The following PXDC1 variants were observed in gnomAD, a reference collection of about 807,000 sequenced individuals.
PXDC1 encodes PX domain-containing protein 1.
PXDC1 carries 13 observed loss-of-function variants against 24.4 expected under a neutral mutation model. That is an observed-to-expected ratio of 0.53 (90% CI 0.35 to 0.85). The LOEUF (loss-of-function observed/expected upper bound fraction) is 0.85. Ranked by LOEUF, PXDC1 falls within the 40% of genes least tolerant of loss-of-function variation. The pLI is 0.01. For synonymous variants in PXDC1, 162 were observed against 124.9 expected, an observed-to-expected ratio of 1.30 and a Z score of -1.98; for missense variants, 344 against 309.3, an observed-to-expected ratio of 1.11 and a Z score of -0.84.
intron 1 of PXDC1, among the ~76,000 whole-genome samples, chr6:3,745,520 C>A (rs1760550604): frequency 6.6e-6 from 1 of 152,234 alleles, no homozygotes; most frequent in Admixed American, 6.5e-5. Flanking sequence ...GCAAAGCCAG[C>A]ATCCAATCCC....
At position 3,737,029 on chromosome 6, in the gene PXDC1, T is replaced by G; in HGVS notation, c.466+50A>C. 1 of 1,098,224 alleles carries G rather than the reference T, an allele frequency of 9.1e-7. No homozygotes were observed. Among genetic ancestry groups the G allele is most frequent in the African/African-American group, 1.5e-5 (1 of 65,078 alleles). The allele number at this position is 1,098,224 out of a possible 1,614,324, so 68.0% of individuals were successfully genotyped here. A position where few individuals can be genotyped will look rare whatever the true frequency, so the allele number is the denominator to read the frequency against. The stretch of plus-strand genomic sequence containing the variant: ...CAACTGTGAGGGTTTCTGTGACATC[T>G]CAGCCTCAACAGCAGTCCCTCCCAC... On this transcript the variant is annotated intron_variant, in intron 3 of 4. Coordinates refer to ENST00000380283, the MANE Select transcript of PXDC1 (RefSeq NM_183373.4). The surrounding 1 kb of genome is among the most constrained non-coding windows in gnomAD (Gnocchi z 5.5).
rs758217635 is a variant in PXDC1 at position 3,727,624 on chromosome 6, C to T, written c.505G>A (p.Glu169Lys). 6.2e-6 allele frequency: 10 copies of T among 1,613,874 alleles called. No individual in the cohort carries two copies. Among genetic ancestry groups the T allele is most frequent in the South Asian group, 2.2e-5 (2 of 91,068 alleles). ...ATACTGTGGTCAATAACTATTGTTTCGGTATTTGCTAAACAAAATCCATTG... is the reference window on the plus strand; with the variant it reads ...ATACTGTGGTCAATAACTATTGTTTTGGTATTTGCTAAACAAAATCCATTG... ...RSNGFCLANT[E>K]TIVIDHSIPN... Residue 169 changes from glutamate (E) to lysine (K), a missense_variant, in exon 4 of 5, where the codon GAA (glutamate) becomes AAA (lysine). By Grantham distance (56) the Glu-to-Lys change is moderately conservative. Coordinates refer to ENST00000380283, the MANE Select transcript of PXDC1 (RefSeq NM_183373.4).
At chr6:3,739,513 A>G (rs552021676) in intron 1 of PXDC1, among the ~76,000 whole-genome samples, 2 of 152,360 alleles carry the variant, frequency 1.3e-5, no homozygotes, top group South Asian at 4.1e-4. Context: ...CAAGGGTCCA[A>G]GAGGGGCAGG....
intron 4 of PXDC1, 67 bp from the exon 5 acceptor site, chr6:3,723,803 G>C: frequency 7.9e-7 from 1 of 1,269,114 alleles, no homozygotes; most frequent in South Asian, 1.2e-5. Flanking sequence ...CACCCGCCGG[G>C]ACCATGAGCA....
intron 1 of PXDC1, among the ~76,000 whole-genome samples, chr6:3,749,672 C>A (rs1224220248): frequency 6.6e-6 from 1 of 152,034 alleles, no homozygotes; most frequent in Non-Finnish European, 1.5e-5. Context: ...ACAATGACAA[C>A]TGGCATTTAT....
intron 3 of PXDC1, among the ~76,000 whole-genome samples, chr6:3,733,628 G>A (rs889151440): frequency 4.6e-5 from 7 of 152,096 alleles, no homozygotes; most frequent in Non-Finnish European, 8.8e-5. Context: ...TGAGACCCTC[G>A]GCTCTGCAAG....
At position 3,722,798 on chromosome 6, in the gene PXDC1, G is replaced by GT. The variant is rs1759969038; in HGVS notation, c.*820dup. The stretch of plus-strand genomic sequence containing the variant: ...GGGCAGGGGAGCCCCAGCTTCCCTC[G>GT]TGATTCCCGTCCTTTCAAGTTCATT... On this transcript the variant is annotated 3_prime_UTR_variant, in exon 5 of 5. Transcript: ENST00000380283. 6.6e-6 allele frequency: 1 copy of GT among 152,602 alleles called. No individual in the cohort carries two copies. Among genetic ancestry groups the GT allele is most frequent in the Admixed American group, 6.5e-5 (1 of 15,286 alleles). The allele number at this position is 152,602 out of a possible 1,614,324, so 9.5% of individuals were successfully genotyped here. A position where few individuals can be genotyped will look rare whatever the true frequency, so the allele number is the denominator to read the frequency against.
At chr6:3,739,519 G>A (rs1341485291) in intron 1 of PXDC1, among the ~76,000 whole-genome samples, 1 of 152,246 alleles carries the variant, frequency 6.6e-6, no homozygotes, top group African/African-American at 2.4e-5. Flanking sequence ...TCCAAGAGGG[G>A]CAGGGTCCGT....
chr6:3,744,965 G>A (rs1389633411), intron 1 of PXDC1, among the ~76,000 whole-genome samples: 2 of 152,252 alleles, frequency 1.3e-5, no homozygotes, highest in Non-Finnish European at 2.9e-5. Flanking sequence ...CTCCCAAAGT[G>A]CTGGGCTTAC....
rs1171165219 is a variant in PXDC1 at position 3,725,723 on chromosome 6, T to C, written c.578+1828A>G. On this transcript the variant is annotated intron_variant, in intron 4 of 4. Transcript: ENST00000380283. The surrounding 1 kb of genome is among the most constrained non-coding windows in gnomAD (Gnocchi z 4.8). The stretch of plus-strand genomic sequence containing the variant: ...ACCCCCCACCCGACAGCCGGTGCCG[T>C]GTAGAAACAGATCGTCCCTGTGAGA... 6.6e-6 allele frequency among the ~76,000 whole-genome samples: 1 copy of C among 152,146 alleles called. No homozygotes were observed. Among genetic ancestry groups the C allele is most frequent in the East Asian group, 1.9e-4 (1 of 5,188 alleles).
intron 1 of PXDC1, chr6:3,738,767 G>C: frequency 7.7e-7 from 1 of 1,295,918 alleles, no homozygotes; most frequent in Non-Finnish European, 1.0e-6. Context: ...GTGGCTGTCA[G>C]GCAGCATAAT....
rs1760002873 is a variant in PXDC1 at position 3,724,120 on chromosome 6, G to A, written c.579-384C>T. On this transcript the variant is annotated intron_variant, in intron 4 of 4. Coordinates refer to ENST00000380283, the MANE Select transcript of PXDC1 (RefSeq NM_183373.4). This position sits in a 1 kb window ranked among gnomAD's most constrained non-coding sequence, Gnocchi z 4.5. Reference sequence around the variant, plus strand: ...CGTGCTGGGCCCTGGGGACAGCTGAGAGAGGAGTGGTCACGAGCTCACAGC... The same window carrying A: ...CGTGCTGGGCCCTGGGGACAGCTGAAAGAGGAGTGGTCACGAGCTCACAGC... Among the ~76,000 whole-genome samples, 1 of 152,190 alleles carries A rather than the reference G, an allele frequency of 6.6e-6. No homozygotes were observed.
chr6:3,737,596 C>T lies in PXDC1; in HGVS notation c.349-400G>A, dbSNP rs1017216245. The T allele has an allele frequency of 1.0e-5, 10 of 953,528 alleles. No homozygotes were observed. The highest frequency in any genetic ancestry group is 1.8e-5 in the African/African-American group (1 of 56,616). 59.1% of individuals were successfully genotyped at this position (953,528 alleles called of 1,614,324 possible). A position where few individuals can be genotyped will look rare whatever the true frequency, so the allele number is the denominator to read the frequency against. On this transcript the variant is annotated intron_variant, in intron 2 of 4. Transcript: ENST00000380283. This position sits in a 1 kb window ranked among gnomAD's most constrained non-coding sequence, Gnocchi z 5.5. The stretch of plus-strand genomic sequence containing the variant: ...AGTCCAGGTTCTTAACCACCACTCA[C>T]GACGAAGCCCGCAGGCTTACATGGA...
At position 3,751,404 on chromosome 6, in the gene PXDC1, G is replaced by C; in HGVS notation, c.128C>G (p.Thr43Arg). ...GDEEEFFEIR[T>R]EWSDRSVLYL... The stretch of plus-strand genomic sequence containing the variant: ...GAGCACGCTGCGGTCCGACCACTCC[G>C]TGCGGATCTCGAAGAACTCCTCTTC... Residue 43 changes from threonine (T) to arginine (R), a missense_variant, in exon 1 of 5, where the codon ACG becomes AGG. Physicochemically the swap from Thr to Arg is moderately conservative, Grantham distance 71 (BLOSUM62 -1). Coordinates refer to ENST00000380283, the MANE Select transcript of PXDC1 (RefSeq NM_183373.4). 2 of 1,576,840 alleles carry C rather than the reference G, an allele frequency of 1.3e-6. No homozygotes were observed.
At position 3,724,291 on chromosome 6, in the gene PXDC1, G is replaced by A. The variant is rs918333021; in HGVS notation, c.579-555C>T. ...GCATGTGGGTACGTGTTTCATTCGC[G>A]CTCTGGCAGATGAGAAGCATCCGAA... On this transcript the variant is annotated intron_variant, in intron 4 of 4. Coordinates refer to ENST00000380283, the MANE Select transcript of PXDC1 (RefSeq NM_183373.4). The surrounding 1 kb of genome is among the most constrained non-coding windows in gnomAD (Gnocchi z 4.5). Among the ~76,000 whole-genome samples, 3 of 152,096 alleles carry A rather than the reference G, an allele frequency of 2.0e-5. No individual in the cohort carries two copies. The highest frequency in any genetic ancestry group is 2.9e-5 in the Non-Finnish European group (2 of 68,014).
intron 1 of PXDC1, chr6:3,739,063 A>G: frequency 8.4e-7 from 1 of 1,187,036 alleles, no homozygotes; most frequent in Non-Finnish European, 1.1e-6. Context: ...CCAACCTAGT[A>G]TTATTGGTCA....
Position 3,727,532 on chromosome 6 carries a change from T to C in PXDC1, c.578+19A>G, listed in dbSNP as rs1424828291. The C allele has an allele frequency of 1.3e-6, 2 of 1,525,708 alleles. No homozygotes were observed. The highest frequency in any genetic ancestry group is 2.2e-5 in the South Asian group (2 of 89,036). 94.5% of individuals were successfully genotyped at this position (1,525,708 alleles called of 1,614,324 possible). ...GCTCAGGACAGTCTATGAAACGATA[T>C]TCAAATCAGCATACTTACAAATGCT... On this transcript the variant is annotated intron_variant, in intron 4 of 4. Transcript: ENST00000380283.
rs940039914 is a variant in PXDC1 at position 3,737,697 on chromosome 6, C to G, written c.348+360G>C. 1.8e-5 allele frequency: 18 copies of G among 985,308 alleles called. No homozygotes were observed. The African/African-American group carries it at 2.4e-4, about 13-fold the overall frequency. The allele number at this position is 985,308 out of a possible 1,614,324, so 61.0% of individuals were successfully genotyped here. On this transcript the variant is annotated intron_variant, in intron 2 of 4. Transcript: ENST00000380283. This position sits in a 1 kb window ranked among gnomAD's most constrained non-coding sequence, Gnocchi z 5.5. ...AACGTTCTTCTTGGTTTCCACGTGT[C>G]TGTTCTAAAATCCCCTCAGCAAGAC...
Position 3,751,642 on chromosome 6 carries a change from G to C in PXDC1, c.-111C>G. 7.5e-7 allele frequency: 1 copy of C among 1,336,372 alleles called. No homozygotes were observed. Among genetic ancestry groups the C allele is most frequent in the South Asian group, 1.9e-5 (1 of 53,018 alleles). 82.8% of individuals were successfully genotyped at this position (1,336,372 alleles called of 1,614,324 possible). A position where few individuals can be genotyped will look rare whatever the true frequency, so the allele number is the denominator to read the frequency against. On this transcript the variant is annotated 5_prime_UTR_variant, in exon 1 of 5. Coordinates refer to ENST00000380283, the MANE Select transcript of PXDC1 (RefSeq NM_183373.4). ...GTCTGTCCGTGGCCGGGGTCGTCCG[G>C]GGTCGGCCCGTCACTCCAAGGAGGC...
Sources: gnomAD v4.1 joint callset for allele counts (sites outside exome capture counted in the v4.1 genomes callset) on GRCh38, gnomAD v4.1.1 for gene constraint, Gnocchi (gnomAD v3.1) non-coding constraint, MANE v1.5 for transcripts, NCBI Gene and HGNC (gene_info 2026-07-23, HGNC 2026-07-21) for gene names.